The following RGS6 variants were observed in gnomAD, a reference collection of about 807,000 sequenced individuals.
RGS6 encodes the protein regulator of G-protein signaling 6.
Under a neutral mutation model 78.5 loss-of-function variants are expected in RGS6, and 30 were observed. The observed-to-expected ratio is 0.38, with a 90% CI of 0.29 to 0.52. The LOEUF (loss-of-function observed/expected upper bound fraction) is 0.52, where lower values mean the gene tolerates loss of function less well. Among genes scored for constraint, RGS6 ranks in the 20% least tolerant of loss-of-function variants. The pLI is 0.85. For synonymous variants in RGS6, 206 were observed against 206.0 expected, an observed-to-expected ratio of 1.00 and a Z score of 0.00; for missense variants, 495 against 609.7, an observed-to-expected ratio of 0.81 and a Z score of 1.98.
chr14:72,366,965 C>T (rs2082561733), intron 3 of RGS6, among the ~76,000 whole-genome samples: 1 of 152,160 alleles, frequency 6.6e-6, no homozygotes, highest in African/African-American at 2.4e-5. Flanking sequence ...TTCCAGACCA[C>T]CCTCAGAAAC....
At chr14:72,205,709 G>C (rs897560774) in intron 2 of RGS6, among the ~76,000 whole-genome samples, 1 of 152,238 alleles carries the variant, frequency 6.6e-6, no homozygotes, top group Non-Finnish European at 1.5e-5. Flanking sequence ...TGGAAGGACT[G>C]TTAAACACAT....
At chr14:72,405,900 A>G (rs1196513641) in intron 3 of RGS6, among the ~76,000 whole-genome samples, 1 of 152,142 alleles carries the variant, frequency 6.6e-6, no homozygotes, top group East Asian at 1.9e-4. Flanking sequence ...GGAACGCTGT[A>G]TTGGTTTCTC....
chr14:71,918,038 G>T, the RGS6 span, among the ~76,000 whole-genome samples: 1 of 151,528 alleles, frequency 6.6e-6, no homozygotes, highest in Non-Finnish European at 1.5e-5. Flanking sequence ...AAAATTAGCC[G>T]GGCGTGGTGG....
intron 2 of RGS6, among the ~76,000 whole-genome samples, chr14:72,042,419 G>A (rs563443882): frequency 1.6e-4 from 24 of 152,074 alleles, no homozygotes; most frequent in South Asian, 4.2e-4. Flanking sequence ...ATGAGCCACC[G>A]CACCCAGCCT....
intron 3 of RGS6, among the ~76,000 whole-genome samples, chr14:72,384,226 T>C (rs12887870): frequency 0.072 from 11,010 of 152,244 alleles, 628 homozygotes; most frequent in East Asian, 0.35. Flanking sequence ...CGTAAGTTAT[T>C]TCAATGTTGT....
intron 2 of RGS6, among the ~76,000 whole-genome samples, chr14:72,097,469 CTGAA>C (rs1343833180): frequency 6.6e-6 from 1 of 152,164 alleles, no homozygotes; most frequent in East Asian, 1.9e-4. Context: ...TGCTTTTCAT[CTGAA>C]TGAATGGCAA....
intron 2 of RGS6, among the ~76,000 whole-genome samples, chr14:72,071,179 G>T (rs1213647792): frequency 6.6e-6 from 1 of 151,834 alleles, no homozygotes; most frequent in African/African-American, 2.4e-5. Context: ...GTAATCTTTT[G>T]CAATTTGGTT....
chr14:72,432,166 C>CATAG (rs1403601496), intron 3 of RGS6, among the ~76,000 whole-genome samples: 1 of 152,172 alleles, frequency 6.6e-6, no homozygotes, highest in Non-Finnish European at 1.5e-5. Flanking sequence ...TAGACATTGA[C>CATAG]ATAGACCCCA....
intron 3 of RGS6, among the ~76,000 whole-genome samples, chr14:72,409,712 TC>T (rs1179343379): frequency 6.6e-6 from 1 of 151,928 alleles, no homozygotes; most frequent in Admixed American, 6.6e-5. Context: ...ATCCCTCCCC[TC>T]TCCCCCAACC....
the RGS6 span, among the ~76,000 whole-genome samples, chr14:71,876,807 C>T: frequency 6.6e-6 from 1 of 152,060 alleles, no homozygotes; most frequent in Non-Finnish European, 1.5e-5. Context: ...TTTGCAGTGG[C>T]TGGTACCAAT....
chr14:72,388,182 G>A (rs2088844563), intron 3 of RGS6, among the ~76,000 whole-genome samples: 1 of 152,104 alleles, frequency 6.6e-6, no homozygotes, highest in Admixed American at 6.6e-5. Context: ...CTCTATTTGA[G>A]GTTTTCTGCC....
chr14:72,011,927 G>C (rs75789071), intron 2 of RGS6, among the ~76,000 whole-genome samples: 1,552 of 152,122 alleles, frequency 0.01, 13 homozygotes, highest in Non-Finnish European at 0.014. Context: ...GATATTAGAA[G>C]TTCTATTTAC....
intron 2 of RGS6, among the ~76,000 whole-genome samples, chr14:72,000,685 A>G (rs1191607010): frequency 1.3e-5 from 2 of 152,168 alleles, no homozygotes; most frequent in Non-Finnish European, 2.9e-5. Context: ...GTTGTACCAG[A>G]GGAGTCAAGT....
chr14:72,201,694 G>C (rs1567454613), intron 2 of RGS6, among the ~76,000 whole-genome samples: 1 of 152,066 alleles, frequency 6.6e-6, no homozygotes, highest in Non-Finnish European at 1.5e-5. Context: ...GGGATAAAAG[G>C]GTCCAGACTA....
At chr14:72,334,242 C>G (rs550011928) in intron 2 of RGS6, among the ~76,000 whole-genome samples, 3 of 152,242 alleles carry the variant, frequency 2.0e-5, no homozygotes, top group Non-Finnish European at 4.4e-5. Context: ...GAGCCCACCC[C>G]CAAGGCTCAT....
At chr14:71,990,434 A>G (rs766982701) in intron 2 of RGS6, 9 of 362,614 alleles carry the variant, frequency 2.5e-5, no homozygotes, top group Non-Finnish European at 4.4e-5. Context: ...ATTGGGAAAC[A>G]CATCTTCCAA....
intron 3 of RGS6, among the ~76,000 whole-genome samples, chr14:72,379,136 A>T (rs1371815387): frequency 6.6e-6 from 1 of 152,126 alleles, no homozygotes; most frequent in Non-Finnish European, 1.5e-5. Flanking sequence ...TCAACATCCC[A>T]TCATGATAAA....
chr14:72,483,883 T>G (rs1192834736), intron 12 of RGS6, among the ~76,000 whole-genome samples: 2 of 152,260 alleles, frequency 1.3e-5, no homozygotes, highest in East Asian at 3.9e-4. Flanking sequence ...ATCCCAAGTT[T>G]CTCTATTGAA....
chr14:72,543,987 C>T (rs2097359707), intron 17 of RGS6, among the ~76,000 whole-genome samples: 2 of 152,360 alleles, frequency 1.3e-5, no homozygotes, highest in South Asian at 4.1e-4. Context: ...CCACCTGCCT[C>T]CCAAAGTGCT....
Sources: gnomAD v4.1 joint callset for allele counts (sites outside exome capture counted in the v4.1 genomes callset) on GRCh38, gnomAD v4.1.1 for gene constraint, MANE v1.5 for transcripts, NCBI Gene and HGNC (gene_info 2026-07-23, HGNC 2026-07-21) for gene names.